DMD: variants seen among roughly 807,000 people sequenced by gnomAD.
DMD encodes the protein dystrophin.
DMD carries 63 observed loss-of-function variants against 330.1 expected under a neutral mutation model. The observed-to-expected ratio is 0.19, with a 90% confidence interval of 0.16 to 0.24. The LOEUF (loss-of-function observed/expected upper bound fraction) is 0.24. Among genes scored for constraint, DMD ranks in the 10% least tolerant of loss-of-function variants. DMD has a pLI of 1.00. For synonymous variants in DMD, 1,223 were observed against 959.8 expected (o/e 1.27, Z -5.07); for missense variants, 3,344 against 2,684.1 (o/e 1.25, Z -5.43).
intron 7 of DMD, among the ~76,000 whole-genome samples, chrX:32,789,911 T>C (rs2075692058): frequency 8.9e-6 from 1 of 112,196 alleles, no homozygotes; most frequent in Non-Finnish European, 1.9e-5. Context: ...AATATTAACA[T>C]CTCACAAGAA....
Position 32,448,629 on chromosome X carries a change from C to T in DMD, c.3613G>A (p.Glu1205Lys). ...KAVEEMKRAK[E>K]EAQQKEAKVK... ...TTCGCTTCTTTTTGTTGGGCCTCTTCTTTAGCTCTCTGAAAAATAAAGAAT... is the reference window on the plus strand; with the variant it reads ...TTCGCTTCTTTTTGTTGGGCCTCTTTTTTAGCTCTCTGAAAAATAAAGAAT... Residue 1205 changes from glutamate (E) to lysine (K), a missense_variant, in exon 27 of 79, where the codon GAA becomes AAA. Coordinates refer to ENST00000357033, the MANE Select transcript of DMD (RefSeq NM_004006.3). 8.3e-7 allele frequency: 1 copy of T among 1,201,616 alleles called. No homozygotes were observed. The highest frequency in any genetic ancestry group is 2.4e-4 in the Middle Eastern group (1 of 4,120).
intron 7 of DMD, among the ~76,000 whole-genome samples, chrX:32,736,652 A>C (rs1220399285): frequency 9.2e-6 from 1 of 109,030 alleles, no homozygotes. Context: ...CATTCTCAGT[A>C]AACTATCGCA....
At chrX:31,700,923 T>C (rs1287146907) in intron 52 of DMD, among the ~76,000 whole-genome samples, 1 of 111,937 alleles carries the variant, frequency 8.9e-6, no homozygotes, top group Non-Finnish European at 1.9e-5. Context: ...TATCATTAGA[T>C]GATCCATCGG....
chrX:31,226,413 T>C (rs1346489259), intron 63 of DMD, among the ~76,000 whole-genome samples: 2 of 110,678 alleles, frequency 1.8e-5, no homozygotes, highest in South Asian at 3.7e-4. Context: ...TGTGAGTCTC[T>C]TGTTTATGAT....
chrX:31,176,333 T>A (rs1260696967), intron 71 of DMD, among the ~76,000 whole-genome samples: 4 of 111,782 alleles, frequency 3.6e-5, no homozygotes, highest in Non-Finnish European at 7.6e-5. Context: ...AAAGATGTTA[T>A]TAATTTTAAA....
At chrX:32,668,752 G>C (rs781727613) in intron 9 of DMD, among the ~76,000 whole-genome samples, 1 of 104,863 alleles carries the variant, frequency 9.5e-6, no homozygotes, top group South Asian at 4.0e-4. Context: ...ACTTGAACTT[G>C]AAAGATTTTT....
At chrX:31,266,149 T>C (rs1603265430) in intron 62 of DMD, among the ~76,000 whole-genome samples, 2 of 33,038 alleles carry the variant, frequency 6.1e-5, no homozygotes, top group South Asian at 2.0e-3. Flanking sequence ...CCACACCCAA[T>C]CCCGAAGGGC....
At chrX:31,280,942 C>T (rs779186188) in intron 62 of DMD, among the ~76,000 whole-genome samples, 9 of 111,587 alleles carry the variant, frequency 8.1e-5, no homozygotes, top group Non-Finnish European at 1.1e-4. Context: ...TTGGAGAGCT[C>T]GATTACAAAA....
intron 42 of DMD, among the ~76,000 whole-genome samples, chrX:32,304,030 T>C (rs1453992188): frequency 4.5e-5 from 5 of 111,652 alleles, no homozygotes; most frequent in African/African-American, 1.6e-4. Context: ...ATTGTCCCCA[T>C]GTGAGAAAAC....
At chrX:31,897,141 C>A (rs1603546273) in intron 47 of DMD, among the ~76,000 whole-genome samples, 1 of 106,072 alleles carries the variant, frequency 9.4e-6, no homozygotes, top group Non-Finnish European at 1.9e-5. Context: ...TCTCATTGTT[C>A]AATTCCCACC....
At chrX:32,307,164 TG>T (rs1394070054) in intron 42 of DMD, among the ~76,000 whole-genome samples, 2 of 111,294 alleles carry the variant, frequency 1.8e-5, no homozygotes, top group Admixed American at 1.9e-4. Context: ...GGGATGTCTT[TG>T]GGAATGATCC....
chrX:31,202,043 G>C (rs1224907761), intron 67 of DMD, among the ~76,000 whole-genome samples: 2 of 110,785 alleles, frequency 1.8e-5, no homozygotes, highest in Non-Finnish European at 3.8e-5. Context: ...AAATTAGCCA[G>C]GCATGGTGGC....
chrX:31,190,033 C>A (rs764572935), intron 67 of DMD, among the ~76,000 whole-genome samples: 1 of 112,259 alleles, frequency 8.9e-6, no homozygotes, highest in Non-Finnish European at 1.9e-5. Context: ...AAAATTCACA[C>A]TTGGGGCCCT....
At chrX:31,193,969 T>C (rs2042638977) in intron 67 of DMD, among the ~76,000 whole-genome samples, 1 of 110,751 alleles carries the variant, frequency 9.0e-6, no homozygotes, top group Admixed American at 9.6e-5. Flanking sequence ...TCACCTGAGG[T>C]CAGGAGTTCA....
chrX:31,670,544 G>A (rs980129467), intron 53 of DMD, among the ~76,000 whole-genome samples: 1 of 111,946 alleles, frequency 8.9e-6, no homozygotes, highest in Non-Finnish European at 1.9e-5. Context: ...TCAGACTTCT[G>A]GAGGCTAGAT....
intron 27 of DMD, among the ~76,000 whole-genome samples, chrX:32,443,122 T>C (rs771357263): frequency 9.6e-4 from 106 of 110,762 alleles, no homozygotes; most frequent in Non-Finnish European, 1.6e-3. Flanking sequence ...GTAAACACAA[T>C]GCAGCAATCA....
At position 33,268,987 on chromosome X, in the gene DMD, T is replaced by C. The variant is rs749163771; in HGVS notation, c.7+70272A>G. Among the ~76,000 whole-genome samples the C allele has an allele frequency of 2.7e-5, 3 of 109,454 alleles. No homozygotes were observed. In the South Asian group the frequency reaches 1.2e-3, roughly 43 times the overall value. ...AAAGGGAGTGCTTATACACTGTTGGTTGGAATGTAAATTATTTCAGCCCCC... is the reference window on the plus strand; with the variant it reads ...AAAGGGAGTGCTTATACACTGTTGGCTGGAATGTAAATTATTTCAGCCCCC... On this transcript the variant is annotated intron_variant, in intron 1 of 17. Coordinates refer to the DMD transcript ENST00000288447.
At chrX:32,594,966 T>A (rs372779835) in intron 13 of DMD, among the ~76,000 whole-genome samples, 1 of 111,774 alleles carries the variant, frequency 8.9e-6, no homozygotes, top group Non-Finnish European at 1.9e-5. Context: ...CTCCACTTGA[T>A]TCCTTTTAAT....
chrX:32,945,977 T>C (rs747339021), intron 2 of DMD, among the ~76,000 whole-genome samples: 47 of 111,538 alleles, frequency 4.2e-4, no homozygotes, highest in South Asian at 2.6e-3. Context: ...TGCTATTTTT[T>C]TGAAGTCTCA....
Sources: allele counts gnomAD v4.1 joint callset (sites outside exome capture counted in the v4.1 genomes callset), GRCh38; gene constraint gnomAD v4.1.1; transcripts MANE v1.5; gene names NCBI Gene and HGNC (gene_info 2026-07-23, HGNC 2026-07-21).